Variants in EFHB observed in about 807,000 individuals in gnomAD.
EFHB encodes EF-hand domain-containing family member B.
In EFHB, 91 loss-of-function variants were observed where a neutral mutation model predicts 87.2. The observed-to-expected ratio is 1.04, with a 90% CI of 0.88 to 1.24. The LOEUF (loss-of-function observed/expected upper bound fraction) is 1.24. Ranked by LOEUF, EFHB falls within the 50% of genes most tolerant of loss-of-function variation. The pLI is 0.00. For missense variants in EFHB, 1,084 were observed against 998.8 expected, an observed-to-expected ratio of 1.09 and a Z score of -1.15; for synonymous variants, 325 against 333.6, an observed-to-expected ratio of 0.97 and a Z score of 0.28.
chr3:19,912,934 T>C (rs1695111174), intron 5 of EFHB, among the ~76,000 whole-genome samples: 2 of 152,214 alleles, frequency 1.3e-5, no homozygotes, highest in Admixed American at 1.3e-4. Context: ...AAAAACCATA[T>C]GATCATTTCA....
intron 8 of EFHB, 99 bp downstream of exon 8, chr3:19,898,679 G>A: frequency 8.7e-7 from 1 of 1,155,236 alleles, no homozygotes; most frequent in Middle Eastern, 1.9e-4. Flanking sequence ...AAAATTAGAA[G>A]CTTTGAAATA....
chr3:19,932,093 C>T (rs1470432180), intron 1 of EFHB, among the ~76,000 whole-genome samples: 1 of 152,200 alleles, frequency 6.6e-6, no homozygotes, highest in Non-Finnish European at 1.5e-5. Flanking sequence ...CATCCACCAA[C>T]TTCCCTTACT....
chr3:19,920,818 T>A (rs1398388156), intron 1 of EFHB, among the ~76,000 whole-genome samples: 1 of 152,214 alleles, frequency 6.6e-6, no homozygotes, highest in Non-Finnish European at 1.5e-5. Flanking sequence ...TGTTAGTGAT[T>A]CATCCAGTTA....
intron 5 of EFHB, among the ~76,000 whole-genome samples, chr3:19,908,642 A>C (rs28712674): frequency 6.7e-6 from 1 of 149,528 alleles, no homozygotes; most frequent in South Asian, 2.2e-4. Context: ...GAAAGAAAGA[A>C]AGAAAGAAAG....
chr3:19,890,670 C>T (rs929093348), intron 9 of EFHB, among the ~76,000 whole-genome samples: 2 of 140,478 alleles, frequency 1.4e-5, no homozygotes, highest in African/African-American at 5.9e-5. Flanking sequence ...GACCCCATAA[C>T]CCTAATGACT....
In EFHB at chr3:19,933,333, T is replaced by C; in HGVS notation, c.686A>G (p.Gln229Arg). The C allele has an allele frequency of 6.2e-7, 1 of 1,614,004 alleles. No homozygotes were observed. The highest frequency in any genetic ancestry group is 8.5e-7 in the Non-Finnish European group (1 of 1,179,900). The change falls in exon 1 of 13, where the codon CAG (glutamine) becomes CGG (arginine). Residue 229 changes from glutamine to arginine, a missense_variant. Physicochemically the swap from Gln to Arg is conservative, Grantham distance 43 (BLOSUM62 1). Coordinates refer to ENST00000295824, the MANE Select transcript of EFHB (RefSeq NM_144715.4). ...TTCAATGTTTCCAGCCTCCTTTCTC[T>C]GTTCATGTTGTTGGGCAAACTGGCA... ...PQCQFAQQHEQRKEAGNIESG... is the reference protein window; with the variant it reads ...PQCQFAQQHERRKEAGNIESG...
chr3:19,906,850 G>A (rs905381497), intron 5 of EFHB, among the ~76,000 whole-genome samples: 2 of 151,958 alleles, frequency 1.3e-5, no homozygotes, highest in Non-Finnish European at 2.9e-5. Flanking sequence ...TATGGTACTG[G>A]CATAAAAACA....
At chr3:19,880,804 C>T (rs1348856187) in intron 12 of EFHB, among the ~76,000 whole-genome samples, 2 of 151,282 alleles carry the variant, frequency 1.3e-5, no homozygotes, top group African/African-American at 4.9e-5. Flanking sequence ...AAAGTAAGAA[C>T]TAGTAGCGGG....
intron 5 of EFHB, among the ~76,000 whole-genome samples, chr3:19,906,757 A>G (rs1281167645): frequency 1.3e-5 from 2 of 152,066 alleles, no homozygotes; most frequent in Admixed American, 1.3e-4. Context: ...TAGCCAAAGT[A>G]ATTATTAGGA....
chr3:19,935,672 C>A (rs534875926), upstream of EFHB, among the ~76,000 whole-genome samples: 1 of 151,650 alleles, frequency 6.6e-6, no homozygotes, highest in African/African-American at 2.4e-5. Context: ...GATGGTGCCA[C>A]GACACTCAAG....
chr3:19,886,358 G>C (rs982733586), intron 10 of EFHB, among the ~76,000 whole-genome samples: 5 of 152,132 alleles, frequency 3.3e-5, no homozygotes, highest in South Asian at 2.1e-4. Context: ...GAAAATAGTA[G>C]TATCTCCACT....
At chr3:19,933,152 A>G (rs1695885949) in intron 1 of EFHB, 78 bp downstream of exon 1, 1 of 1,456,110 alleles carries the variant, frequency 6.9e-7, no homozygotes, top group African/African-American at 1.4e-5. Context: ...AACCAAAACA[A>G]ATTTTATCAC....
At position 19,899,479 on chromosome 3, in the gene EFHB, A is replaced by G. The variant is rs770010160; in HGVS notation, c.1455T>C (p.Asp485=). The part of the protein sequence containing the change: ...RGAKFVSKRA[D]DFKEKFQHKL... ...TATGTTGAAACTTTTCTTTGAAATCATCTGCTCTTTTGGATACAAACTTAG... is the reference window on the plus strand; with the variant it reads ...TATGTTGAAACTTTTCTTTGAAATCGTCTGCTCTTTTGGATACAAACTTAG... The change falls in exon 7 of 13, where the codon GAT becomes GAC. Residue 485 remains aspartate, a synonymous_variant. Transcript: ENST00000295824. The G allele has an allele frequency of 6.8e-6, 11 of 1,607,770 alleles. No homozygotes were observed. The highest frequency in any genetic ancestry group is 9.3e-6 in the Non-Finnish European group (11 of 1,178,000).
At chr3:19,913,118 G>A (rs771220654) in intron 5 of EFHB, among the ~76,000 whole-genome samples, 14 of 152,214 alleles carry the variant, frequency 9.2e-5, no homozygotes, top group Non-Finnish European at 1.3e-4. Flanking sequence ...AATAAAAGCC[G>A]TATACAACAG....
At chr3:19,934,537 CCTCT>C (rs1327617799), upstream of EFHB, among the ~76,000 whole-genome samples, 1 of 151,748 alleles carries the variant, frequency 6.6e-6, no homozygotes, top group East Asian at 1.9e-4. Context: ...ATCCCTGCTT[CCTCT>C]CTCTTTTTCT....
intron 4 of EFHB, among the ~76,000 whole-genome samples, chr3:19,915,985 A>G (rs377451394): frequency 6.6e-6 from 1 of 152,202 alleles, no homozygotes; most frequent in South Asian, 2.1e-4. Flanking sequence ...TCTCAAAAAA[A>G]AACTATATTA....
intron 12 of EFHB, 139 bp from the exon 13 acceptor site, chr3:19,879,943 T>G: frequency 1.5e-6 from 1 of 684,004 alleles, no homozygotes. Context: ...TGTATTTGTG[T>G]GTGTGCATGT....
chr3:19,930,490 C>T (rs1288279194), intron 1 of EFHB, among the ~76,000 whole-genome samples: 1 of 152,188 alleles, frequency 6.6e-6, no homozygotes, highest in Non-Finnish European at 1.5e-5. Context: ...TTCATGATAG[C>T]TTTCTCCGAT....
intron 12 of EFHB, among the ~76,000 whole-genome samples, chr3:19,881,248 T>A (rs1158233005): frequency 6.6e-6 from 1 of 152,182 alleles, no homozygotes; most frequent in Non-Finnish European, 1.5e-5. Flanking sequence ...GTCTTGAGCA[T>A]CCCAGACCTT....
Sources: gnomAD v4.1 joint callset for allele counts (sites outside exome capture counted in the v4.1 genomes callset) on GRCh38, gnomAD v4.1.1 for gene constraint, MANE v1.5 for transcripts, NCBI Gene and HGNC (gene_info 2026-07-23, HGNC 2026-07-21) for gene names.